Variants in PHF14 observed in about 807,000 individuals in gnomAD.
PHF14 encodes the protein PHD finger protein 14.
In PHF14, 55 loss-of-function variants were observed where a neutral mutation model predicts 117.9. The ratio of observed to expected loss-of-function variants is 0.47; its 90% CI spans 0.38 to 0.58. The LOEUF is 0.58. Among genes scored for constraint, PHF14 ranks in the 20% least tolerant of loss-of-function variants. PHF14 has a pLI of 0.00. For missense variants in PHF14, 978 were observed against 1,122.2 expected (o/e 0.87, Z 1.84); for synonymous variants, 409 against 368.6 (o/e 1.11, Z -1.26).
intron 17 of PHF14, among the ~76,000 whole-genome samples, chr7:11,113,211 A>T (rs1787499441): frequency 6.6e-6 from 1 of 152,220 alleles, no homozygotes; most frequent in Non-Finnish European, 1.5e-5. Context: ...ATGTAGTATT[A>T]TGTTAAATGT....
intron 13 of PHF14, among the ~76,000 whole-genome samples, chr7:11,050,511 G>C (rs1784823314): frequency 6.6e-6 from 1 of 151,972 alleles, no homozygotes; most frequent in Non-Finnish European, 1.5e-5. Context: ...GATTTCTGCT[G>C]TCTAAATGTT....
chr7:11,084,441 C>T (rs1259634472), intron 16 of PHF14, among the ~76,000 whole-genome samples: 2 of 151,750 alleles, frequency 1.3e-5, no homozygotes, highest in African/African-American at 2.4e-5. Flanking sequence ...TCAGGGCCTA[C>T]TGGTGGCCTC....
At chr7:10,993,083 T>C (rs1386940081) in intron 4 of PHF14, among the ~76,000 whole-genome samples, 4 of 152,300 alleles carry the variant, frequency 2.6e-5, no homozygotes, top group South Asian at 4.1e-4. Flanking sequence ...ACTGGTGATA[T>C]TACTATTACT....
At chr7:11,129,530 T>A (rs1788028248) in intron 17 of PHF14, among the ~76,000 whole-genome samples, 1 of 148,508 alleles carries the variant, frequency 6.7e-6, no homozygotes, top group Admixed American at 6.8e-5. Flanking sequence ...TGAAAATGCC[T>A]ATTTTGTGTG....
At chr7:11,103,533 C>G (rs1479161280) in intron 16 of PHF14, 1 of 985,026 alleles carries the variant, frequency 1.0e-6, no homozygotes, top group Non-Finnish European at 1.2e-6. Context: ...TTGAATATTT[C>G]ATCACTCAAT....
At chr7:11,045,858 A>G (rs1400163937) in intron 13 of PHF14, among the ~76,000 whole-genome samples, 1 of 152,234 alleles carries the variant, frequency 6.6e-6, no homozygotes, top group Non-Finnish European at 1.5e-5. Flanking sequence ...ATGGTTGGTA[A>G]CAACTTACTG....
In PHF14 at chr7:11,082,035, A is replaced by G. The variant is rs954079746; in HGVS notation, c.2654+19950A>G. On this transcript the variant is annotated intron_variant, in intron 16 of 17. Coordinates refer to ENST00000634607, the MANE Select transcript of PHF14 (RefSeq NM_001007157.2). ...TCTAACAGAAGACTCTGGATATTAGATATCTCTTGACTGCCTTAGAAAATC... is the reference window on the plus strand; with the variant it reads ...TCTAACAGAAGACTCTGGATATTAGGTATCTCTTGACTGCCTTAGAAAATC... Among the ~76,000 whole-genome samples, 4 of 152,160 alleles carry G rather than the reference A, an allele frequency of 2.6e-5. No homozygotes were observed. The East Asian group carries it at 7.8e-4, about 30-fold the overall frequency.
chr7:10,996,064 G>A (rs1406958142), intron 4 of PHF14, among the ~76,000 whole-genome samples: 1 of 152,244 alleles, frequency 6.6e-6, no homozygotes, highest in Non-Finnish European at 1.5e-5. Context: ...GGGCTGTGAG[G>A]GCTGCCAGCA....
chr7:11,168,478 T>C (rs778146941), intron 17 of PHF14, among the ~76,000 whole-genome samples: 21 of 152,348 alleles, frequency 1.4e-4, no homozygotes, highest in Middle Eastern at 3.4e-3. Flanking sequence ...TCAACAATTA[T>C]TTAATTCAAT....
At chr7:11,067,478 A>G (rs960622393) in intron 16 of PHF14, among the ~76,000 whole-genome samples, 1 of 152,210 alleles carries the variant, frequency 6.6e-6, no homozygotes. Flanking sequence ...TGTACACCCA[A>G]AGCAGAAACT....
intron 17 of PHF14, among the ~76,000 whole-genome samples, chr7:11,153,738 T>C (rs1334027880): frequency 6.6e-6 from 1 of 152,190 alleles, no homozygotes; most frequent in Non-Finnish European, 1.5e-5. Flanking sequence ...ACTTTTAATA[T>C]TTCATACCCT....
chr7:11,020,035 T>C (rs1186637302), intron 5 of PHF14, among the ~76,000 whole-genome samples: 1 of 152,204 alleles, frequency 6.6e-6, no homozygotes, highest in African/African-American at 2.4e-5. Flanking sequence ...TTTTTAAAAA[T>C]AAGCTTTATG....
intron 17 of PHF14, among the ~76,000 whole-genome samples, chr7:11,150,922 A>T (rs2128353955): frequency 6.6e-6 from 1 of 152,318 alleles, no homozygotes; most frequent in South Asian, 2.1e-4. Flanking sequence ...AACAATCCTG[A>T]AAGTTTGAAA....
intron 16 of PHF14, among the ~76,000 whole-genome samples, chr7:11,084,034 A>G (rs1291818561): frequency 2.0e-5 from 3 of 152,234 alleles, no homozygotes; most frequent in African/African-American, 7.2e-5. Flanking sequence ...ATAACATTAC[A>G]TAAGGATATG....
At chr7:11,054,687 C>G (rs991517857) in intron 14 of PHF14, among the ~76,000 whole-genome samples, 5 of 152,130 alleles carry the variant, frequency 3.3e-5, no homozygotes, top group African/African-American at 1.2e-4. Context: ...CAACAGCTTA[C>G]TAACTTGTAT....
chr7:11,073,912 T>C (rs968703890), intron 16 of PHF14, among the ~76,000 whole-genome samples: 4 of 152,178 alleles, frequency 2.6e-5, no homozygotes, highest in Admixed American at 6.5e-5. Context: ...GAGCTGTACC[T>C]GGGGCTCTGT....
At chr7:11,032,198 A>G (rs940327613) in intron 7 of PHF14, among the ~76,000 whole-genome samples, 8 of 152,184 alleles carry the variant, frequency 5.3e-5, no homozygotes, top group African/African-American at 1.7e-4. Context: ...CAGAAGTTCA[A>G]GATTTCATTC....
intron 5 of PHF14, among the ~76,000 whole-genome samples, chr7:11,017,461 A>C (rs950222643): frequency 6.6e-6 from 1 of 152,158 alleles, no homozygotes; most frequent in Admixed American, 6.5e-5. Flanking sequence ...ATATTTCATG[A>C]TAGTTTTGAT....
At chr7:11,039,503 A>G (rs540286790) in intron 11 of PHF14, among the ~76,000 whole-genome samples, 1 of 152,138 alleles carries the variant, frequency 6.6e-6, no homozygotes, top group African/African-American at 2.4e-5. Flanking sequence ...AGTACTGTGT[A>G]TATAATTGAT....
Sources: gnomAD v4.1 joint callset for allele counts (sites outside exome capture counted in the v4.1 genomes callset) on GRCh38, gnomAD v4.1.1 for gene constraint, MANE v1.5 for transcripts, NCBI Gene and HGNC (gene_info 2026-07-23, HGNC 2026-07-21) for gene names.